Variants in VPS13C observed in about 807,000 individuals in gnomAD.
VPS13C encodes intermembrane lipid transfer protein VPS13C.
In VPS13C, 358 loss-of-function variants were observed where a neutral mutation model predicts 456.8. The observed-to-expected ratio is 0.78, with a 90% confidence interval of 0.72 to 0.86. The LOEUF is 0.86. Among genes scored for constraint, VPS13C ranks in the 40% least tolerant of loss-of-function variants. The pLI, the probability that VPS13C is intolerant of heterozygous loss-of-function variation, is 0.00. For synonymous variants in VPS13C, 1,578 were observed against 1,486.7 expected, an observed-to-expected ratio of 1.06 and a Z score of -1.41; for missense variants, 4,818 against 4,385.4, an observed-to-expected ratio of 1.10 and a Z score of -2.79.
At chr15:61,864,700 C>A (rs749396716) in intron 81 of VPS13C, 13 of 985,312 alleles carry the variant, frequency 1.3e-5, no homozygotes, top group African/African-American at 1.7e-5. Flanking sequence ...CCACAAAGAA[C>A]TGGGATCTCA....
chr15:61,869,811 G>A (rs187629303), intron 79 of VPS13C, among the ~76,000 whole-genome samples, 188 bp from the exon 80 acceptor site: 3 of 152,284 alleles, frequency 2.0e-5, no homozygotes, highest in East Asian at 1.9e-4. Flanking sequence ...TTAGAAATGC[G>A]CATTCCTGGG....
Position 61,865,716 on chromosome 15 carries a change from GTA to G in VPS13C, c.10864-2190_10864-2189del, listed in dbSNP as rs200332787. The G allele has an allele frequency of 4.3e-3, 1,854 of 429,230 alleles. 39 individuals are homozygous for G. The highest frequency in any genetic ancestry group is 0.033 in the African/African-American group (1,512 of 45,756). 26.6% of individuals were successfully genotyped at this position (429,230 alleles called of 1,614,324 possible). ...TATATATGTGTGTATATGTATGTGT[GTA>G]TATATGTGTTTGTGTGTATGTATAT... On this transcript the variant is annotated intron_variant, in intron 81 of 84. Transcript: ENST00000644861.
intron 20 of VPS13C, 135 bp downstream of exon 20, chr15:61,983,685 G>C (rs923988929): frequency 4.9e-6 from 5 of 1,022,504 alleles, no homozygotes; most frequent in Non-Finnish European, 7.0e-6. Context: ...TACTGCTTTT[G>C]AAACAAGAAA....
intron 65 of VPS13C, among the ~76,000 whole-genome samples, chr15:61,907,693 G>T (rs1441661573): frequency 6.6e-6 from 1 of 152,202 alleles, no homozygotes; most frequent in African/African-American, 2.4e-5. Context: ...TGTGGAAATG[G>T]CTGTGAAGAG....
intron 12 of VPS13C, among the ~76,000 whole-genome samples, chr15:62,011,206 T>C (rs1444498440): frequency 2.6e-5 from 4 of 152,116 alleles, no homozygotes; most frequent in African/African-American, 9.6e-5. Context: ...TAACTGTGAA[T>C]AGTATCAAAC....
chr15:62,050,095 T>C (rs2048568840), intron 1 of VPS13C, among the ~76,000 whole-genome samples: 1 of 152,204 alleles, frequency 6.6e-6, no homozygotes, highest in African/African-American at 2.4e-5. Context: ...GCCCTTTATT[T>C]CCTTCTCCTG....
At position 61,917,629 on chromosome 15, in the gene VPS13C, T is replaced by C; in HGVS notation, c.7767A>G (p.Gln2589=). ...AGATTCCAGCTGGCTGGATAAACAA[T>C]TGACATCTGCAGAAAGAGGAAACAG... The part of the protein sequence containing the change: ...FHVPLDSYRC[Q]LFIQPAGILE... Residue 2589 remains glutamine, a synonymous_variant, in exon 60 of 85, where the codon CAA becomes CAG. Coordinates refer to ENST00000644861, the MANE Select transcript of VPS13C (RefSeq NM_020821.3). The C allele has an allele frequency of 1.2e-6, 2 of 1,609,156 alleles. No individual in the cohort carries two copies. Among genetic ancestry groups the C allele is most frequent in the Non-Finnish European group, 8.5e-7 (1 of 1,176,038 alleles).
chr15:62,017,709 T>A (rs1279711127), intron 9 of VPS13C, among the ~76,000 whole-genome samples: 1 of 152,206 alleles, frequency 6.6e-6, no homozygotes, highest in African/African-American at 2.4e-5. Context: ...TAGTTTGAAG[T>A]CAGGTAGCGT....
chr15:62,041,184 AG>A (rs2048229882), intron 3 of VPS13C, 139 bp downstream of exon 3: 2 of 744,716 alleles, frequency 2.7e-6, no homozygotes, highest in Non-Finnish European at 4.4e-6. Context: ...CATTAGGTTC[AG>A]AACTCTACGA....
intron 45 of VPS13C, among the ~76,000 whole-genome samples, chr15:61,943,734 A>G (rs1406453607): frequency 1.3e-5 from 2 of 152,158 alleles, no homozygotes; most frequent in African/African-American, 2.4e-5. Flanking sequence ...GCTCTGGGAA[A>G]GAATTTATGA....
chr15:62,016,004 T>TTC lies in VPS13C; in HGVS notation c.685-2014_685-2013dup, dbSNP rs552623903. Among the ~76,000 whole-genome samples, 28 of 148,852 alleles carry TTC rather than the reference T, an allele frequency of 1.9e-4. 1 individual carries two copies. In the South Asian group the frequency reaches 6.0e-3, roughly 32 times the overall value. Reference sequence around the variant, plus strand: ...AAAAAACTAGTTTCCTTCACTGCCTTTCCTTTGTTTCTTCAGCTCTCTCTT... The same window carrying TTC: ...AAAAAACTAGTTTCCTTCACTGCCTTTCTCCTTTGTTTCTTCAGCTCTCTCTT... On this transcript the variant is annotated intron_variant, in intron 9 of 84. Coordinates refer to ENST00000644861, the MANE Select transcript of VPS13C (RefSeq NM_020821.3).
chr15:62,005,374 A>G (rs2046796056), intron 15 of VPS13C, among the ~76,000 whole-genome samples: 1 of 152,124 alleles, frequency 6.6e-6, no homozygotes, highest in East Asian at 1.9e-4. Flanking sequence ...TGCTTGGTAG[A>G]TCTTCCTCCA....
At chr15:61,937,754 G>A (rs1016324066) in intron 47 of VPS13C, among the ~76,000 whole-genome samples, 5 of 152,138 alleles carry the variant, frequency 3.3e-5, no homozygotes, top group African/African-American at 7.2e-5. Flanking sequence ...GATTACAGGC[G>A]TGATCAAGTT....
At position 62,018,166 on chromosome 15, in the gene VPS13C, T is replaced by A. The variant is rs1021074119; in HGVS notation, c.684+2313A>T. 9.5e-4 allele frequency among the ~76,000 whole-genome samples: 145 copies of A among 152,312 alleles called. 1 individual carries two copies. Among genetic ancestry groups the A allele is most frequent in the African/African-American group, 3.4e-3 (142 of 41,576 alleles). ...CCTGAGACTTTGCTGAAGTTGCTTA[T>A]CAGCTTAAGGAGATTTGGGGCTGAG... is the stretch of plus-strand genomic sequence containing the variant. On this transcript the variant is annotated intron_variant, in intron 9 of 84. Transcript: ENST00000644861.
intron 1 of VPS13C, among the ~76,000 whole-genome samples, chr15:62,049,251 T>A (rs1364339874): frequency 6.6e-6 from 1 of 152,218 alleles, no homozygotes; most frequent in African/African-American, 2.4e-5. Flanking sequence ...AACATGTAAG[T>A]CTTTAGTCCA....
chr15:62,034,731 T>G (rs566105456), intron 4 of VPS13C, among the ~76,000 whole-genome samples: 1 of 151,886 alleles, frequency 6.6e-6, no homozygotes, highest in African/African-American at 2.4e-5. Context: ...CAGAATAAAT[T>G]GAAAAAATGA....
chr15:62,005,137 C>T (rs912740643), intron 15 of VPS13C, among the ~76,000 whole-genome samples: 20 of 152,188 alleles, frequency 1.3e-4, no homozygotes, highest in South Asian at 6.2e-4. Flanking sequence ...AGTCTCCCAT[C>T]ATTAATGTGT....
rs555788144 is a variant in VPS13C, at chr15:61,989,465, A to G, written c.1578+1535T>C. On this transcript the variant is annotated intron_variant, in intron 18 of 84. Coordinates refer to ENST00000644861, the MANE Select transcript of VPS13C (RefSeq NM_020821.3). ...GGGCAGACAGACTTGCAACACAACTAAAAGTGAAAAGCCAACCCACGTTTT... is the reference window on the plus strand; with the variant it reads ...GGGCAGACAGACTTGCAACACAACTGAAAGTGAAAAGCCAACCCACGTTTT... Among the ~76,000 whole-genome samples, 7 of 152,246 alleles carry G rather than the reference A, an allele frequency of 4.6e-5. No homozygotes were observed. The East Asian group carries it at 1.4e-3, about 29-fold the overall frequency.
At chr15:61,945,538 T>C (rs953881420) in intron 45 of VPS13C, among the ~76,000 whole-genome samples, 177 bp downstream of exon 45, 5 of 152,218 alleles carry the variant, frequency 3.3e-5, no homozygotes, top group African/African-American at 1.2e-4. Flanking sequence ...ACAATAATTT[T>C]AAAAATTCAT....
Sources: gnomAD v4.1 joint callset for allele counts (sites outside exome capture counted in the v4.1 genomes callset) on GRCh38, gnomAD v4.1.1 for gene constraint, MANE v1.5 for transcripts, NCBI Gene and HGNC (gene_info 2026-07-23, HGNC 2026-07-21) for gene names.